The following RBFOX1 variants were observed in gnomAD, a reference collection of about 807,000 sequenced individuals.
The protein encoded by RBFOX1 is RNA binding fox-1 homolog 1.
A neutral mutation model predicts 57.7 loss-of-function variants in RBFOX1; 8 were observed. That is an observed-to-expected ratio of 0.14 (90% confidence interval 0.08 to 0.25). The LOEUF (loss-of-function observed/expected upper bound fraction) is 0.25, where lower values mean the gene tolerates loss of function less well. Among genes scored for constraint, RBFOX1 ranks in the 10% least tolerant of loss-of-function variants. The probability of loss-of-function intolerance (pLI) is 1.00; values close to 1 mark genes in which losing one functional copy is unlikely to be tolerated. For missense variants in RBFOX1, 611 were observed against 548.5 expected (o/e 1.11, Z -1.14); for synonymous variants, 326 against 222.4 (o/e 1.47, Z -4.15).
chr16:5,680,884 A>G (rs942903639), intron 3 of RBFOX1, among the ~76,000 whole-genome samples: 5 of 143,684 alleles, frequency 3.5e-5, no homozygotes, highest in Admixed American at 7.2e-5. Context: ...TGCCCTATAG[A>G]GCTTGTATTT....
chr16:5,916,010 C>T (rs764115454), intron 4 of RBFOX1, among the ~76,000 whole-genome samples: 1 of 152,262 alleles, frequency 6.6e-6, no homozygotes, highest in South Asian at 2.1e-4. Context: ...ATTTCTCCAG[C>T]CTTCACAGCA....
In RBFOX1 at chr16:7,271,633, T is replaced by G. The variant is rs534817136; in HGVS notation, c.27+219535T>G. Among the ~76,000 whole-genome samples the G allele has an allele frequency of 2.6e-5, 4 of 152,324 alleles. No homozygotes were observed. The South Asian group carries it at 8.3e-4, about 32-fold the overall frequency. ...CTAAACTTAGAAGATACGTGACTAC[T>G]AACCAAGACCATCTGATGTACCATT... On this transcript the variant is annotated intron_variant, in intron 4 of 15. Transcript: ENST00000550418.
rs201372502 is a variant in RBFOX1, at chr16:7,265,958, G to GT, written c.27+213865dup. Among the ~76,000 whole-genome samples the GT allele has an allele frequency of 6.8e-3, 727 of 107,488 alleles. 65 individuals carry two copies. Among genetic ancestry groups the GT allele is most frequent in the African/African-American group, 0.017 (359 of 21,710 alleles). 70.5% of individuals were successfully genotyped at this position (107,488 alleles called of 152,430 possible). On this transcript the variant is annotated intron_variant, in intron 4 of 15. Coordinates refer to ENST00000550418, the MANE Select transcript of RBFOX1 (RefSeq NM_018723.4). ...GTGAGTGAGTTATGAGATCTGGTGG[G>GT]TTTTTGTTTTTTTTTTTTTTTTTTT... is the stretch of plus-strand genomic sequence containing the variant.
At chr16:6,803,180 A>G (rs139249422) in intron 3 of RBFOX1, among the ~76,000 whole-genome samples, 71 of 152,188 alleles carry the variant, frequency 4.7e-4, no homozygotes, top group African/African-American at 1.5e-3. Context: ...ATTTAAGGAC[A>G]CCAAATGATT....
At chr16:6,256,491 G>C (rs990161592) in intron 1 of RBFOX1, among the ~76,000 whole-genome samples, 2 of 151,334 alleles carry the variant, frequency 1.3e-5, no homozygotes, top group African/African-American at 4.9e-5. Context: ...AAGTTGATGA[G>C]ACCAGATTGT....
At chr16:6,269,463 G>A (rs1278607693) in intron 1 of RBFOX1, among the ~76,000 whole-genome samples, 1 of 152,028 alleles carries the variant, frequency 6.6e-6, no homozygotes, top group African/African-American at 2.4e-5. Flanking sequence ...GAAAAGTCAA[G>A]GCAACGAAAA....
intron 2 of RBFOX1, among the ~76,000 whole-genome samples, chr16:6,476,957 A>G (rs1393765487): frequency 6.6e-6 from 1 of 152,178 alleles, no homozygotes; most frequent in African/African-American, 2.4e-5. Context: ...TCAAGGAACC[A>G]CTTTTTCTGC....
chr16:5,460,573 C>G (rs1347642427), intron 1 of RBFOX1, among the ~76,000 whole-genome samples: 1 of 152,190 alleles, frequency 6.6e-6, no homozygotes, highest in African/African-American at 2.4e-5. Context: ...GTAAAGGACT[C>G]TTCCCAGATG....
intron 4 of RBFOX1, among the ~76,000 whole-genome samples, chr16:7,169,916 TAAA>T (rs1304288581): frequency 1.3e-5 from 2 of 151,104 alleles, no homozygotes; most frequent in African/African-American, 4.9e-5. Context: ...ACAAAAAAAA[TAAA>T]AAAAATAGCT....
chr16:7,367,572 A>G (rs1181219488), intron 4 of RBFOX1, among the ~76,000 whole-genome samples: 1 of 152,212 alleles, frequency 6.6e-6, no homozygotes, highest in Non-Finnish European at 1.5e-5. Context: ...AGAGATGGAA[A>G]TCTAATCAGC....
chr16:7,305,242 ACTCT>A (rs1260381366), intron 4 of RBFOX1, among the ~76,000 whole-genome samples: 2 of 150,220 alleles, frequency 1.3e-5, no homozygotes, highest in Non-Finnish European at 3.0e-5. Context: ...TTGACACCTT[ACTCT>A]CTGTCTTTCT....
chr16:5,242,786 T>A (rs2151060561), intron 1 of RBFOX1, among the ~76,000 whole-genome samples: 1 of 152,208 alleles, frequency 6.6e-6, no homozygotes, highest in East Asian at 1.9e-4. Flanking sequence ...TCACCAGGCC[T>A]GGTGCTCTGG....
At chr16:5,771,223 C>G (rs2053966715) in intron 3 of RBFOX1, among the ~76,000 whole-genome samples, 1 of 152,224 alleles carries the variant, frequency 6.6e-6, no homozygotes, top group African/African-American at 2.4e-5. Flanking sequence ...GGACTGCTCG[C>G]TAGGTGCGAC....
rs554678600 is a variant in RBFOX1 at position 7,449,724 on chromosome 16, G to C, written c.28-68423G>C. Among the ~76,000 whole-genome samples the C allele has an allele frequency of 7.6e-4, 75 of 98,198 alleles. 1 individual carries two copies. The highest frequency in any genetic ancestry group is 3.1e-3 in the African/African-American group (71 of 23,166). The allele number at this position is 98,198 out of a possible 152,430, so 64.4% of individuals were successfully genotyped here. A position where few individuals can be genotyped will look rare whatever the true frequency, so the allele number is the denominator to read the frequency against. On this transcript the variant is annotated intron_variant, in intron 4 of 15. Transcript: ENST00000550418. ...GAAAAAGAAACATGTATGTGTGTGT[G>C]TGTGTGGGGGGGGGGGGTTGTTTTG...
At chr16:7,008,565 A>G (rs565507409) in intron 3 of RBFOX1, among the ~76,000 whole-genome samples, 3 of 151,938 alleles carry the variant, frequency 2.0e-5, no homozygotes, top group East Asian at 1.9e-4. Context: ...TTCAGTGAAC[A>G]AGAGTAAATA....
intron 4 of RBFOX1, among the ~76,000 whole-genome samples, chr16:7,270,731 C>G (rs1372355693): frequency 2.6e-5 from 4 of 152,200 alleles, no homozygotes; most frequent in Admixed American, 1.3e-4. Flanking sequence ...CAGTAATTGA[C>G]TGCATCTGAT....
At chr16:7,381,867 G>T (rs2147983424) in intron 4 of RBFOX1, among the ~76,000 whole-genome samples, 1 of 152,206 alleles carries the variant, frequency 6.6e-6, no homozygotes, top group South Asian at 2.1e-4. Context: ...GCATTTGGTG[G>T]CATCTCTAGC....
intron 4 of RBFOX1, among the ~76,000 whole-genome samples, chr16:7,411,473 G>T (rs999553636): frequency 4.6e-5 from 7 of 152,170 alleles, no homozygotes; most frequent in Admixed American, 4.6e-4. Context: ...CATGAAAATG[G>T]GAAGTACTGT....
At chr16:6,129,487 A>T (rs2152669078) in intron 1 of RBFOX1, among the ~76,000 whole-genome samples, 1 of 152,322 alleles carries the variant, frequency 6.6e-6, no homozygotes, top group East Asian at 1.9e-4. Flanking sequence ...ATACAAAAGG[A>T]AACAAAGGTA....
Sources: gnomAD v4.1 joint callset for allele counts (sites outside exome capture counted in the v4.1 genomes callset) on GRCh38, gnomAD v4.1.1 for gene constraint, MANE v1.5 for transcripts, NCBI Gene and HGNC (gene_info 2026-07-23, HGNC 2026-07-21) for gene names.